The following BTK variants were observed in gnomAD, a reference collection of about 807,000 sequenced individuals.
BTK encodes the protein tyrosine-protein kinase BTK.
In BTK, 5 loss-of-function variants were observed where a neutral mutation model predicts 57.4. The observed-to-expected ratio is 0.09, with a 90% CI of 0.05 to 0.18. The LOEUF (loss-of-function observed/expected upper bound fraction) is 0.18. Among genes scored for constraint, BTK ranks in the 10% least tolerant of loss-of-function variants. BTK has a pLI of 1.00. For missense variants in BTK, 194 were observed against 501.2 expected, an observed-to-expected ratio of 0.39 and a Z score of 5.85; for synonymous variants, 154 against 174.3, an observed-to-expected ratio of 0.88 and a Z score of 0.92.
At chrX:101,385,192 T>A (rs781817278) in intron 1 of BTK, among the ~76,000 whole-genome samples, 8 of 111,342 alleles carry the variant, frequency 7.2e-5, no homozygotes, top group Non-Finnish European at 1.3e-4. Flanking sequence ...AAGTGCTAAC[T>A]GTATGTCAGG....
chrX:101,388,435 T>A (rs3027603), upstream of BTK, among the ~76,000 whole-genome samples: 1,922 of 112,267 alleles, frequency 0.017, 42 homozygotes, highest in African/African-American at 0.06. Context: ...AGATTCCCAA[T>A]GCAATATAAG....
At chrX:101,390,473 T>C (rs782773482), upstream of BTK, 13 of 514,124 alleles carry the variant, frequency 2.5e-5, no homozygotes, top group Non-Finnish European at 4.5e-5. Flanking sequence ...ATTAGATTAC[T>C]GTACCTCTCC....
rs1354477151 is a variant in BTK at position 101,352,637 on chromosome X, G to A, written c.1908+557C>T. The stretch of plus-strand genomic sequence containing the variant: ...AAATTGGCCAGGCTCAGTGGCTCAC[G>A]CCTGTAATCCCAGCACTTTGGGAGG... On this transcript the variant is annotated intron_variant, in intron 18 of 18. Transcript: ENST00000308731. Among the ~76,000 whole-genome samples, 7 of 111,728 alleles carry A rather than the reference G, an allele frequency of 6.3e-5. No homozygotes were observed. The Admixed American group carries it at 6.6e-4, about 11-fold the overall frequency.
chrX:101,378,024 C>T (rs1269225531), intron 1 of BTK: 7 of 110,397 alleles, frequency 6.3e-5, no homozygotes, highest in African/African-American at 2.3e-4. Context: ...ACACACAGCT[C>T]TGAGTTAAAA....
chrX:101,380,966 A>T (rs1295832384), intron 1 of BTK, among the ~76,000 whole-genome samples: 1 of 98,415 alleles, frequency 1.0e-5, no homozygotes, highest in Non-Finnish European at 2.0e-5. Context: ...AGATCTTGCC[A>T]TTGCACTCCA....
upstream of BTK, among the ~76,000 whole-genome samples, chrX:101,390,070 C>T (rs1264646558): frequency 8.9e-6 from 1 of 111,788 alleles, no homozygotes; most frequent in African/African-American, 3.3e-5. Context: ...CACTAAATAC[C>T]GTTGACATTG....
At position 101,354,670 on chromosome X, in the gene BTK, C is replaced by T. The variant is rs782740486; in HGVS notation, c.1591G>A (p.Asp531Asn). 10 of 1,209,960 alleles carry T rather than the reference C, an allele frequency of 8.3e-6. No homozygotes were observed. The highest frequency in any genetic ancestry group is 5.9e-5 in the East Asian group (2 of 33,781). ...TCAGATACTTTAACAACTCCTTGAT[C>T]GTTTACCAAACAGTTTCGAGCTGCC... ...DLAARNCLVN[D>N]QGVVKVSDFG... Residue 531 changes from aspartate (D) to asparagine (N), a missense_variant, in exon 16 of 19, where the codon GAT becomes AAT. By Grantham distance (23) the Asp-to-Asn change is conservative. Around this residue, in one of 3 missense-constraint regions of BTK, gnomAD observed 79 missense variants for 217.7 expected, o/e 0.36. Transcript: ENST00000308731.
Position 101,359,173 on chromosome X carries a change from A to T in BTK, c.894+120T>A, listed in dbSNP as rs1185535007. On this transcript the variant is annotated intron_variant, in intron 10 of 18. Coordinates refer to ENST00000308731, the MANE Select transcript of BTK (RefSeq NM_000061.3). The stretch of plus-strand genomic sequence containing the variant: ...AAACAAAAAAAATGGTGTAATTGGG[A>T]TCCCAGACGATGGCAGCTTTGACAC... The T allele has an allele frequency of 1.0e-5, 8 of 788,833 alleles. No individual in the cohort carries two copies. The East Asian group carries it at 1.6e-4, about 16-fold the overall frequency. 65.0% of individuals were successfully genotyped at this position (788,833 alleles called of 1,213,427 possible).
At chrX:101,376,393 C>T (rs1439248987) in intron 1 of BTK, among the ~76,000 whole-genome samples, 4 of 111,768 alleles carry the variant, frequency 3.6e-5, no homozygotes, top group Admixed American at 9.5e-5. Context: ...TTTGGGAGGC[C>T]GAGGCTGGCG....
intron 3 of BTK, 51 bp downstream of exon 3, chrX:101,374,485 A>G: frequency 2.9e-6 from 3 of 1,042,326 alleles, no homozygotes; most frequent in Non-Finnish European, 4.0e-6. Context: ...TAAATGTTGC[A>G]AATTTCTTCA....
chrX:101,358,493 G>A (rs895253027), intron 11 of BTK, 56 bp from the exon 12 acceptor site: 1 of 1,203,227 alleles, frequency 8.3e-7, no homozygotes, highest in Admixed American at 2.2e-5. Context: ...CAGAACCCAG[G>A]AAGTGAAGTG....
At chrX:101,374,750 T>C in intron 2 of BTK, 116 bp from the exon 3 acceptor site, 1 of 645,696 alleles carries the variant, frequency 1.5e-6, no homozygotes, top group Admixed American at 2.5e-5. Context: ...GGACCTGTCA[T>C]GTGGGGGAAG....
At chrX:101,353,835 T>G in intron 17 of BTK, 35 bp downstream of exon 17, 229 of 1,051,804 alleles carry the variant, frequency 2.2e-4, no homozygotes, top group Non-Finnish European at 2.8e-4. Flanking sequence ...TCTTATCCTT[T>G]GAGCTGTATA....
chrX:101,356,777 A>C lies in BTK; in HGVS notation c.1349+7T>G. 2.5e-6 allele frequency: 3 copies of C among 1,211,416 alleles called. No individual in the cohort carries two copies. Among genetic ancestry groups the C allele is most frequent in the Non-Finnish European group, 2.2e-6 (2 of 895,224 alleles). ...AGATTGAGAGTTGAGTTTGGGCTAT[A>C]ACTCACATCATGACTTTGGCTTCTT... On this transcript the variant is annotated splice_region_variant and intron_variant, in intron 14 of 18. Coordinates refer to ENST00000308731, the MANE Select transcript of BTK (RefSeq NM_000061.3).
rs1555982449 is a variant in BTK at position 101,386,124 on chromosome X, G to A, written c.-93C>T. ...ATTGAGATGCCAGGACTTGGAAGGT[G>A]GGACTCGATCGCAGCAGACACTGGC... On this transcript the variant is annotated 5_prime_UTR_variant, in exon 1 of 19. Coordinates refer to ENST00000308731, the MANE Select transcript of BTK (RefSeq NM_000061.3). 8 of 111,767 alleles carry A rather than the reference G, an allele frequency of 7.2e-5. No homozygotes were observed. The highest frequency in any genetic ancestry group is 1.5e-4 in the Non-Finnish European group (8 of 53,198). The allele number at this position is 111,767 out of a possible 1,213,427, so 9.2% of individuals were successfully genotyped here.
intron 5 of BTK, among the ~76,000 whole-genome samples, chrX:101,367,801 T>A (rs781843913): frequency 9.0e-6 from 1 of 111,550 alleles, no homozygotes; most frequent in South Asian, 3.7e-4. Context: ...CTGCCTTGCA[T>A]TCCCCCATTT....
rs72139259 is a variant in BTK at position 101,378,528 on chromosome X, G to GACACACAC, written c.-30-3222_-30-3215dup. Among the ~76,000 whole-genome samples, 690 of 95,374 alleles carry GACACACAC rather than the reference G, an allele frequency of 7.2e-3. 3 individuals carry two copies. The highest frequency in any genetic ancestry group is 0.036 in the South Asian group (66 of 1,849). 82.8% of individuals were successfully genotyped at this position (95,374 alleles called of 115,157 possible). A position where few individuals can be genotyped will look rare whatever the true frequency, so the allele number is the denominator to read the frequency against. On this transcript the variant is annotated intron_variant, in intron 1 of 18. Transcript: ENST00000308731. ...GTGACTTGAATGTCTCAAACATACA[G>GACACACAC]ACACACACACACACACACACACACA...
At chrX:101,365,842 G>A (rs782047157) in intron 5 of BTK, among the ~76,000 whole-genome samples, 1 of 112,193 alleles carries the variant, frequency 8.9e-6, no homozygotes, top group South Asian at 3.7e-4. Context: ...AATATTTGTG[G>A]TGCTGGAACA....
rs901796559 is a variant in BTK, at chrX:101,370,910, A to G, written c.309+723T>C. On this transcript the variant is annotated intron_variant, in intron 4 of 18. Transcript: ENST00000308731. ...CTGTGTCTGAAATACCCCTCTTTCA[A>G]AGGTTTCGTAAATTTGATATAGTCA... Among the ~76,000 whole-genome samples, 6 of 112,535 alleles carry G rather than the reference A, an allele frequency of 5.3e-5. No individual in the cohort carries two copies. The East Asian group carries it at 1.7e-3, about 31-fold the overall frequency.
Sources: gnomAD v4.1 joint callset for allele counts (sites outside exome capture counted in the v4.1 genomes callset) on GRCh38, gnomAD v4.1.1 for gene constraint, gnomAD v4.1.1 regional missense constraint, MANE v1.5 for transcripts, NCBI Gene and HGNC (gene_info 2026-07-23, HGNC 2026-07-21) for gene names.